The following ADAMTS16 variants were observed in gnomAD, a reference collection of about 807,000 sequenced individuals.
ADAMTS16 encodes A disintegrin and metalloproteinase with thrombospondin motifs 16.
In ADAMTS16, 94 loss-of-function variants were observed where a neutral mutation model predicts 145.8. The ratio of observed to expected loss-of-function variants is 0.64; its 90% CI spans 0.55 to 0.77. The LOEUF is 0.77. Among genes scored for constraint, ADAMTS16 ranks in the 30% least tolerant of loss-of-function variants. The pLI is 0.00. For missense variants in ADAMTS16, 1,585 were observed against 1,591.5 expected, an observed-to-expected ratio of 1.00 and a Z score of 0.07; for synonymous variants, 659 against 604.3, an observed-to-expected ratio of 1.09 and a Z score of -1.33.
chr5:5,257,380 A>ATG (rs1737822565), intron 17 of ADAMTS16, among the ~76,000 whole-genome samples: 1 of 151,966 alleles, frequency 6.6e-6, no homozygotes, highest in Non-Finnish European at 1.5e-5. Context: ...AATGAATAAC[A>ATG]CATGCACTCT....
At chr5:5,177,829 AC>A (rs1448353419) in intron 3 of ADAMTS16, among the ~76,000 whole-genome samples, 2 of 152,142 alleles carry the variant, frequency 1.3e-5, no homozygotes, top group Non-Finnish European at 2.9e-5. Flanking sequence ...GAGCCCAGTT[AC>A]TTCTTTACTG....
intron 3 of ADAMTS16, among the ~76,000 whole-genome samples, chr5:5,170,896 T>C (rs1470144900): frequency 6.6e-6 from 1 of 152,184 alleles, no homozygotes; most frequent in Non-Finnish European, 1.5e-5. Context: ...TTTGCTTTGG[T>C]TGCCTGTACT....
At chr5:5,260,863 A>G (rs948663602) in intron 17 of ADAMTS16, among the ~76,000 whole-genome samples, 1 of 152,202 alleles carries the variant, frequency 6.6e-6, no homozygotes, top group Non-Finnish European at 1.5e-5. Flanking sequence ...TGGAACTGGC[A>G]TGAGGGATTT....
chr5:5,239,809 G>A lies in ADAMTS16; in HGVS notation c.2407G>A (p.Val803Met), dbSNP rs377454180. The A allele has an allele frequency of 1.2e-5, 19 of 1,614,000 alleles. No homozygotes were observed. Among genetic ancestry groups the A allele is most frequent in the African/African-American group, 4.0e-5 (3 of 74,900 alleles). ...RRYYLNGHWT[V>M]DWPGRYKFSG... ...GTACTACCTGAATGGGCACTGGACC[G>A]TGGACTGGCCCGGCCGGTACAAATT... The change falls in exon 16 of 23, where the codon GTG becomes ATG. Residue 803 changes from valine to methionine, a missense_variant. Coordinates refer to ENST00000274181, the MANE Select transcript of ADAMTS16 (RefSeq NM_139056.4).
intron 3 of ADAMTS16, among the ~76,000 whole-genome samples, chr5:5,181,635 G>A (rs1735341698): frequency 6.6e-6 from 1 of 152,086 alleles, no homozygotes; most frequent in Non-Finnish European, 1.5e-5. Context: ...TACCCTATTA[G>A]GATTCTAATT....
At chr5:5,178,783 G>A (rs945751132) in intron 3 of ADAMTS16, among the ~76,000 whole-genome samples, 1 of 152,160 alleles carries the variant, frequency 6.6e-6, no homozygotes, top group Non-Finnish European at 1.5e-5. Flanking sequence ...GAGCCTGGGG[G>A]AAAGGAGAGA....
intron 3 of ADAMTS16, among the ~76,000 whole-genome samples, chr5:5,162,772 GAGGA>G (rs1193706417): frequency 1.3e-5 from 2 of 151,838 alleles, no homozygotes; most frequent in African/African-American, 4.8e-5. Context: ...GAGGAGAGGA[GAGGA>G]GAGGAGAGGA....
At position 5,189,701 on chromosome 5, in the gene ADAMTS16, A is replaced by G. The variant is rs949639290; in HGVS notation, c.1048-270A>G. The stretch of plus-strand genomic sequence containing the variant: ...AACAAAAAATTCATGCACAGAAGTA[A>G]TCTTTCTTGGGTCATTGAACATGCA... On this transcript the variant is annotated intron_variant, in intron 6 of 22. Transcript: ENST00000274181. Among the ~76,000 whole-genome samples, 5 of 152,218 alleles carry G rather than the reference A, an allele frequency of 3.3e-5. No homozygotes were observed. In the East Asian group the frequency reaches 9.6e-4, roughly 29 times the overall value.
At chr5:5,241,671 A>G (rs1371482317) in intron 16 of ADAMTS16, among the ~76,000 whole-genome samples, 1 of 152,262 alleles carries the variant, frequency 6.6e-6, no homozygotes, top group Non-Finnish European at 1.5e-5. Context: ...AGAAACACCA[A>G]TGAGATAGCC....
chr5:5,303,926 C>T (rs1309281923), intron 20 of ADAMTS16, 160 bp downstream of exon 20: 2 of 812,248 alleles, frequency 2.5e-6, no homozygotes, highest in Non-Finnish European at 1.9e-6. Context: ...CATGGGGTTG[C>T]TTAATCTCCT....
Position 5,215,870 on chromosome 5 carries a change from GTATATATATA to G in ADAMTS16, c.1605+6660_1605+6669del, listed in dbSNP as rs55703329. ...ATATATATATATGTGGTGTGTATGT[GTATATATATA>G]TATATATATATATATATATATATAT... On this transcript the variant is annotated intron_variant, in intron 10 of 22. Coordinates refer to ENST00000274181, the MANE Select transcript of ADAMTS16 (RefSeq NM_139056.4). 1.7e-3 allele frequency among the ~76,000 whole-genome samples: 172 copies of G among 101,618 alleles called. 5 individuals carry two copies. Among genetic ancestry groups the G allele is most frequent in the East Asian group, 8.2e-3 (32 of 3,916 alleles). 66.7% of individuals were successfully genotyped at this position (101,618 alleles called of 152,430 possible). A position where few individuals can be genotyped will look rare whatever the true frequency, so the allele number is the denominator to read the frequency against.
At chr5:5,271,429 G>A (rs1738471436) in intron 18 of ADAMTS16, among the ~76,000 whole-genome samples, 1 of 152,260 alleles carries the variant, frequency 6.6e-6, no homozygotes. Context: ...CTCACACGGA[G>A]GCTCCTCCCT....
intron 3 of ADAMTS16, among the ~76,000 whole-genome samples, chr5:5,151,712 G>A (rs540549693): frequency 1.4e-5 from 2 of 143,376 alleles, no homozygotes; most frequent in South Asian, 2.2e-4. Context: ...GTGTGTGTGT[G>A]TGTGTGTGTG....
intron 4 of ADAMTS16, among the ~76,000 whole-genome samples, chr5:5,185,291 T>C (rs1735466908): frequency 6.6e-6 from 1 of 152,230 alleles, no homozygotes; most frequent in Admixed American, 6.5e-5. Context: ...TTTGTGTGCA[T>C]GCCACCTAAA....
chr5:5,203,121 A>G (rs1248182087), intron 9 of ADAMTS16, among the ~76,000 whole-genome samples: 1 of 152,178 alleles, frequency 6.6e-6, no homozygotes, highest in African/African-American at 2.4e-5. Flanking sequence ...GACTTTACCA[A>G]TTTCTTTTGA....
At chr5:5,299,903 A>G (rs1263318800) in intron 18 of ADAMTS16, among the ~76,000 whole-genome samples, 1 of 152,250 alleles carries the variant, frequency 6.6e-6, no homozygotes, top group African/African-American at 2.4e-5. Flanking sequence ...ACCCTCAGAC[A>G]TTAGCACAGA....
At chr5:5,220,317 GCC>G (rs1560954638) in intron 10 of ADAMTS16, among the ~76,000 whole-genome samples, 45 of 149,940 alleles carry the variant, frequency 3.0e-4, no homozygotes, top group African/African-American at 1.1e-3. Context: ...CCGCCACCAC[GCC>G]TGGCTAATTT....
intron 3 of ADAMTS16, among the ~76,000 whole-genome samples, chr5:5,152,228 C>A (rs191080849): frequency 1.3e-5 from 2 of 152,216 alleles, no homozygotes; most frequent in East Asian, 3.8e-4. Context: ...TCCAAGACAC[C>A]GAATTGCAGA....
chr5:5,319,595 C>T lies in ADAMTS16; in HGVS notation c.*457C>T, dbSNP rs577385044. The T allele has an allele frequency of 6.6e-5, 20 of 302,438 alleles. No homozygotes were observed. Among genetic ancestry groups the T allele is most frequent in the African/African-American group, 3.1e-4 (14 of 44,616 alleles). 18.7% of individuals were successfully genotyped at this position (302,438 alleles called of 1,614,324 possible). On this transcript the variant is annotated 3_prime_UTR_variant, in exon 23 of 23. Coordinates refer to ENST00000274181, the MANE Select transcript of ADAMTS16 (RefSeq NM_139056.4). ...CTCCCCTCCCACTAGGAGGGCCCCT[C>T]GAGCCATCAGGAGTGACCAACTTCC...
Sources: allele counts gnomAD v4.1 joint callset (sites outside exome capture counted in the v4.1 genomes callset), GRCh38; gene constraint gnomAD v4.1.1; transcripts MANE v1.5; gene names NCBI Gene and HGNC (gene_info 2026-07-23, HGNC 2026-07-21).